EML6: variants seen among roughly 807,000 people sequenced by gnomAD.
The protein encoded by EML6 is EMAP like 6.
Under a neutral mutation model 240.1 loss-of-function variants are expected in EML6, and 154 were observed. The observed-to-expected ratio is 0.64, with a 90% CI of 0.56 to 0.73. The LOEUF is 0.73. EML6 is among the 30% of genes least tolerant of loss of function. The probability of loss-of-function intolerance (pLI) is 0.00; values close to 1 mark genes in which losing one functional copy is unlikely to be tolerated. For synonymous variants in EML6, 1,148 were observed against 899.0 expected, an observed-to-expected ratio of 1.28 and a Z score of -4.95; for missense variants, 2,964 against 2,474.6, an observed-to-expected ratio of 1.20 and a Z score of -4.20.
At chr2:54,789,432 T>G (rs1302513120) in intron 2 of EML6, among the ~76,000 whole-genome samples, 1 of 133,436 alleles carries the variant, frequency 7.5e-6, no homozygotes, top group Non-Finnish European at 1.5e-5. Flanking sequence ...GAGAATGGCG[T>G]GAACCCGGGA....
intron 2 of EML6, among the ~76,000 whole-genome samples, chr2:54,788,502 CTA>C (rs1669212497): frequency 6.6e-6 from 1 of 152,192 alleles, no homozygotes; most frequent in South Asian, 2.1e-4. Flanking sequence ...GTGAGAAACA[CTA>C]TAAACATCTG....
chr2:54,911,609 A>AC (rs1558678259), intron 25 of EML6, among the ~76,000 whole-genome samples: 1 of 151,374 alleles, frequency 6.6e-6, no homozygotes. Context: ...TTTTTATTTT[A>AC]TTTTTTTAGT....
chr2:54,958,410 T>C (rs1676335441), intron 33 of EML6, among the ~76,000 whole-genome samples: 1 of 152,148 alleles, frequency 6.6e-6, no homozygotes, highest in African/African-American at 2.4e-5. Flanking sequence ...CAGGCTGGTC[T>C]TGAACTCCTG....
At chr2:54,784,106 C>T (rs1314191873) in intron 2 of EML6, among the ~76,000 whole-genome samples, 2 of 151,922 alleles carry the variant, frequency 1.3e-5, no homozygotes, top group Non-Finnish European at 2.9e-5. Flanking sequence ...GCTACTCATG[C>T]CTAATTATTT....
In EML6 at chr2:54,962,669, C is replaced by G; in HGVS notation, c.5115C>G (p.Ala1705=). The G allele has an allele frequency of 6.5e-7, 1 of 1,529,620 alleles. No individual in the cohort carries two copies. The highest frequency in any genetic ancestry group is 8.8e-7 in the Non-Finnish European group (1 of 1,136,214). The allele number at this position is 1,529,620 out of a possible 1,614,324, so 94.8% of individuals were successfully genotyped here. A position where few individuals can be genotyped will look rare whatever the true frequency, so the allele number is the denominator to read the frequency against. Residue 1705 remains alanine (A), a synonymous_variant, in exon 36 of 42, where the codon GCC becomes GCG. Transcript: ENST00000356458. ...THPSKDLFIS[A]SNDGTARIWD... ...CTTCCAAGGACCTCTTCATCTCTGCCAGCAACGATGGCACAGCCCGGATCT... is the reference window on the plus strand; with the variant it reads ...CTTCCAAGGACCTCTTCATCTCTGCGAGCAACGATGGCACAGCCCGGATCT...
chr2:54,785,153 A>AC (rs1313939045), intron 2 of EML6, among the ~76,000 whole-genome samples: 3 of 122,626 alleles, frequency 2.4e-5, no homozygotes, highest in South Asian at 2.6e-4. Context: ...AGAGATTTCC[A>AC]CCCCCCCACA....
chr2:54,851,986 A>G (rs1467421956), intron 10 of EML6, among the ~76,000 whole-genome samples: 2 of 152,246 alleles, frequency 1.3e-5, no homozygotes, highest in Non-Finnish European at 1.5e-5. Flanking sequence ...TAGTCTATTG[A>G]AATTTTAGAA....
intron 9 of EML6, 44 bp from the exon 10 acceptor site, chr2:54,849,918 A>C: frequency 6.7e-7 from 1 of 1,496,948 alleles, no homozygotes; most frequent in Admixed American, 2.1e-5. Flanking sequence ...TGGATTTTCT[A>C]TTTGTAGAAT....
At chr2:54,812,858 A>T (rs751800278) in intron 2 of EML6, among the ~76,000 whole-genome samples, 71 of 152,092 alleles carry the variant, frequency 4.7e-4, no homozygotes, top group Non-Finnish European at 9.3e-4. Flanking sequence ...ACAACATTTA[A>T]AAAAAAATTA....
At chr2:54,852,986 A>G (rs1670172285) in intron 10 of EML6, among the ~76,000 whole-genome samples, 1 of 152,158 alleles carries the variant, frequency 6.6e-6, no homozygotes, top group Non-Finnish European at 1.5e-5. Flanking sequence ...GGTCGGGATT[A>G]TTTTCCCGCG....
At chr2:54,833,965 G>GATTATTCAGAA (rs1327961457) in intron 7 of EML6, among the ~76,000 whole-genome samples, 1 of 152,182 alleles carries the variant, frequency 6.6e-6, no homozygotes, top group Non-Finnish European at 1.5e-5. Flanking sequence ...TTAATTTCAA[G>GATTATTCAGAA]ATGCTGCCTC....
chr2:54,833,031 A>G (rs561720310), intron 7 of EML6, among the ~76,000 whole-genome samples: 18 of 152,384 alleles, frequency 1.2e-4, no homozygotes, highest in African/African-American at 4.1e-4. Flanking sequence ...GCGATTTCTC[A>G]TCTTACTCAA....
intron 2 of EML6, among the ~76,000 whole-genome samples, chr2:54,786,850 A>G (rs1440878399): frequency 6.6e-6 from 1 of 152,176 alleles, no homozygotes; most frequent in Non-Finnish European, 1.5e-5. Flanking sequence ...TATATACTGG[A>G]CAAGTGAAAC....
chr2:54,936,055 A>G (rs1374314479), intron 28 of EML6, among the ~76,000 whole-genome samples: 2 of 152,234 alleles, frequency 1.3e-5, no homozygotes, highest in African/African-American at 2.4e-5. Flanking sequence ...ATGTGTGTTT[A>G]AACATCTTGG....
intron 2 of EML6, among the ~76,000 whole-genome samples, chr2:54,784,997 T>G (rs1187831935): frequency 6.6e-6 from 1 of 152,144 alleles, no homozygotes; most frequent in African/African-American, 2.4e-5. Context: ...CAATTCACCA[T>G]TTTCTTGTAA....
chr2:54,886,532 G>A (rs1672154172), intron 17 of EML6, among the ~76,000 whole-genome samples: 1 of 152,122 alleles, frequency 6.6e-6, no homozygotes. Context: ...AATGGAAAAT[G>A]GTGCAGCAAC....
intron 26 of EML6, among the ~76,000 whole-genome samples, chr2:54,921,264 A>C (rs573126193): frequency 6.6e-6 from 1 of 152,274 alleles, no homozygotes; most frequent in African/African-American, 2.4e-5. Flanking sequence ...AAGTTGTAGG[A>C]TACAAAGCTA....
rs960287349 is a variant in EML6 at position 54,819,078 on chromosome 2, C to G, written c.457-1316C>G. On this transcript the variant is annotated intron_variant, in intron 4 of 41. Coordinates refer to ENST00000356458, the MANE Select transcript of EML6 (RefSeq NM_001039753.4). ...TTAAGGTTAGAGATGCTCAGACTTG[C>G]CTGAGCTTGAATGGCTGAAATGGAT... is the stretch of plus-strand genomic sequence containing the variant. Among the ~76,000 whole-genome samples, 2 of 152,284 alleles carry G rather than the reference C, an allele frequency of 1.3e-5. 1 individual carries two copies. The highest frequency in any genetic ancestry group is 4.1e-4 in the South Asian group (2 of 4,826).
chr2:54,791,481 T>A (rs1297965785), intron 2 of EML6, among the ~76,000 whole-genome samples: 2 of 152,210 alleles, frequency 1.3e-5, no homozygotes, highest in Non-Finnish European at 2.9e-5. Flanking sequence ...AGTTTATCCA[T>A]CATTGTTGGA....
Sources: gnomAD v4.1 joint callset for allele counts (sites outside exome capture counted in the v4.1 genomes callset) on GRCh38, gnomAD v4.1.1 for gene constraint, MANE v1.5 for transcripts, NCBI Gene and HGNC (gene_info 2026-07-23, HGNC 2026-07-21) for gene names.